CDC42SE2: variants seen among roughly 807,000 people sequenced by gnomAD.
The protein encoded by CDC42SE2 is CDC42 small effector protein 2.
Under a neutral mutation model 11.5 loss-of-function variants are expected in CDC42SE2, and 3 were observed. The ratio of observed to expected loss-of-function variants is 0.26; its 90% confidence interval spans 0.12 to 0.67. CDC42SE2 has a LOEUF of 0.67. Ranked by LOEUF, CDC42SE2 falls within the 30% of genes least tolerant of loss-of-function variation. CDC42SE2 has a pLI of 0.80. For synonymous variants in CDC42SE2, 33 were observed against 34.8 expected (o/e 0.95, Z 0.18); for missense variants, 82 against 106.8 (o/e 0.77, Z 1.02).
rs896935236 is a variant in CDC42SE2 at position 131,311,177 on chromosome 5, G to T, written c.-454-4799G>T. On this transcript the variant is annotated intron_variant, in intron 1 of 4. Coordinates refer to ENST00000505065, the MANE Select transcript of CDC42SE2 (RefSeq NM_001375635.1). ...TCTCAGCATTTGCTTGTCTGTAAAGGATTTTATTTCTCCTTCACTTATGAA... is the reference window on the plus strand; with the variant it reads ...TCTCAGCATTTGCTTGTCTGTAAAGTATTTTATTTCTCCTTCACTTATGAA... 4.4e-3 allele frequency among the ~76,000 whole-genome samples: 662 copies of T among 151,948 alleles called. 3 individuals are homozygous for T. The highest frequency in any genetic ancestry group is 9.3e-3 in the African/African-American group (385 of 41,394).
intron 3 of CDC42SE2, among the ~76,000 whole-genome samples, chr5:131,370,410 G>A (rs79170440): frequency 0.017 from 2,627 of 151,784 alleles, 55 homozygotes; most frequent in African/African-American, 0.049. Flanking sequence ...AACGTTAAGT[G>A]GAGTCACTAT....
At chr5:131,291,021 G>T (rs1018268351) in intron 1 of CDC42SE2, among the ~76,000 whole-genome samples, 1 of 152,094 alleles carries the variant, frequency 6.6e-6, no homozygotes, top group African/African-American at 2.4e-5. Flanking sequence ...AAACTCTTGG[G>T]TATGGGGAGG....
intron 2 of CDC42SE2, among the ~76,000 whole-genome samples, chr5:131,337,300 A>G (rs887508791): frequency 2.0e-5 from 3 of 152,124 alleles, no homozygotes; most frequent in Non-Finnish European, 4.4e-5. Context: ...TTGAACCGCA[A>G]ATGCTGCTGC....
chr5:131,270,520 G>A (rs1284626302), intron 1 of CDC42SE2, among the ~76,000 whole-genome samples: 1 of 152,146 alleles, frequency 6.6e-6, no homozygotes, highest in African/African-American at 2.4e-5. Context: ...CGTATATATA[G>A]AGGGAATTTA....
At chr5:131,337,184 ACAGT>A (rs746426771) in intron 2 of CDC42SE2, among the ~76,000 whole-genome samples, 19 of 152,126 alleles carry the variant, frequency 1.2e-4, no homozygotes, top group Non-Finnish European at 2.6e-4. Context: ...TTTCCTTCTA[ACAGT>A]CAGGACCCTC....
At chr5:131,342,388 C>CTTTTTTTTTTTTGTTTTT (rs1758732500) in intron 2 of CDC42SE2, among the ~76,000 whole-genome samples, 1 of 111,334 alleles carries the variant, frequency 9.0e-6, no homozygotes, top group African/African-American at 4.4e-5. Context: ...TTTTAATAGT[C>CTTTTTTTTTTTTGTTTTT]TTTTTTTTTT....
In CDC42SE2 at chr5:131,340,021, G is replaced by T. The variant is rs540797959; in HGVS notation, c.-285-19188G>T. Among the ~76,000 whole-genome samples the T allele has an allele frequency of 9.2e-5, 14 of 152,248 alleles. No homozygotes were observed. The South Asian group carries it at 2.3e-3, about 25-fold the overall frequency. On this transcript the variant is annotated intron_variant, in intron 2 of 4. Coordinates refer to ENST00000505065, the MANE Select transcript of CDC42SE2 (RefSeq NM_001375635.1). ...CAAAAAAAGAATTTTGTATTCAAAT[G>T]ACCAAGAATTAGATTGATAGTCTAC...
At chr5:131,281,595 A>G (rs1229593757) in intron 1 of CDC42SE2, among the ~76,000 whole-genome samples, 2 of 152,198 alleles carry the variant, frequency 1.3e-5, no homozygotes, top group Non-Finnish European at 2.9e-5. Flanking sequence ...CTCCTCTTTT[A>G]AGATTTATTT....
At chr5:131,289,708 A>G (rs1396247673) in intron 1 of CDC42SE2, among the ~76,000 whole-genome samples, 2 of 151,838 alleles carry the variant, frequency 1.3e-5, no homozygotes, top group Non-Finnish European at 2.9e-5. Flanking sequence ...ATAAGGCATC[A>G]TTTCTTTCAG....
intron 1 of CDC42SE2, among the ~76,000 whole-genome samples, chr5:131,312,814 GCA>G (rs1757954027): frequency 6.6e-6 from 1 of 152,054 alleles, no homozygotes. Context: ...AACGGTGTGC[GCA>G]CCCACTGACC....
At chr5:131,234,169 T>C in the CDC42SE2 span, among the ~76,000 whole-genome samples, 1 of 152,190 alleles carries the variant, frequency 6.6e-6, no homozygotes, top group East Asian at 1.9e-4. Context: ...TACAAATAAT[T>C]GTTTTAAAAA....
chr5:131,387,250 A>T (rs932738567), intron 4 of CDC42SE2, among the ~76,000 whole-genome samples: 2 of 152,122 alleles, frequency 1.3e-5, no homozygotes, highest in Non-Finnish European at 2.9e-5. Flanking sequence ...TCAGATTTTT[A>T]AAAAATCCAA....
intron 3 of CDC42SE2, among the ~76,000 whole-genome samples, chr5:131,379,759 C>A (rs149409161): frequency 2.0e-5 from 3 of 152,110 alleles, no homozygotes; most frequent in African/African-American, 7.2e-5. Context: ...AGATGGTTGA[C>A]GGTCTTAACA....
At chr5:131,244,082 A>T (rs192410170), upstream of CDC42SE2, among the ~76,000 whole-genome samples, 1 of 152,372 alleles carries the variant, frequency 6.6e-6, no homozygotes, top group African/African-American at 2.4e-5. Flanking sequence ...AACAAAAAGT[A>T]GTACTAGAGA....
In CDC42SE2 at chr5:131,393,643, G is replaced by GAGAT. The variant is rs1750742722; in HGVS notation, c.*2553_*2556dup. 6.6e-6 allele frequency: 1 copy of GAGAT among 152,292 alleles called. No individual in the cohort carries two copies. Among genetic ancestry groups the GAGAT allele is most frequent in the South Asian group, 2.1e-4 (1 of 4,826 alleles). The allele number at this position is 152,292 out of a possible 1,614,324, so 9.4% of individuals were successfully genotyped here. On this transcript the variant is annotated 3_prime_UTR_variant, in exon 5 of 5. Coordinates refer to ENST00000505065, the MANE Select transcript of CDC42SE2 (RefSeq NM_001375635.1). ...TGCTGTGTGCAAGCTCTTTAGAAGA[G>GAGAT]AGATTGGATTTTCTTGGCATTATCA... is the stretch of plus-strand genomic sequence containing the variant.
At chr5:131,280,993 A>G (rs1370178420) in intron 1 of CDC42SE2, among the ~76,000 whole-genome samples, 2 of 152,212 alleles carry the variant, frequency 1.3e-5, no homozygotes, top group Non-Finnish European at 2.9e-5. Context: ...AATTGCTCAT[A>G]TATATTGGTA....
Position 131,271,580 on chromosome 5 carries a change from T to TG in CDC42SE2, c.-455+7418dup, listed in dbSNP as rs143478830. Among the ~76,000 whole-genome samples the TG allele has an allele frequency of 3.7e-3, 560 of 152,190 alleles. 2 individuals are homozygous for TG. The highest frequency in any genetic ancestry group is 6.1e-3 in the Non-Finnish European group (417 of 68,020). On this transcript the variant is annotated intron_variant, in intron 1 of 4. Transcript: ENST00000505065. ...CAGCATCTGGGGATTTGGGCCAGGG[T>TG]GGGGCAGGGTTCCTGGAACCAATCA...
the CDC42SE2 span, among the ~76,000 whole-genome samples, chr5:131,210,693 T>C: frequency 2.0e-5 from 3 of 152,258 alleles, no homozygotes; most frequent in Admixed American, 2.0e-4. Context: ...GATTTTTGTC[T>C]TTTCTTTGGT....
intron 1 of CDC42SE2, among the ~76,000 whole-genome samples, chr5:131,299,227 G>A (rs1466845157): frequency 1.3e-5 from 2 of 152,152 alleles, no homozygotes; most frequent in East Asian, 3.8e-4. Context: ...TTTACGTCAG[G>A]AATAACATGA....
Sources: gnomAD v4.1 joint callset for allele counts (sites outside exome capture counted in the v4.1 genomes callset) on GRCh38, gnomAD v4.1.1 for gene constraint, MANE v1.5 for transcripts, NCBI Gene and HGNC (gene_info 2026-07-23, HGNC 2026-07-21) for gene names.